The following RAB39A variants were observed in gnomAD, a reference collection of about 807,000 sequenced individuals.
RAB39A encodes RAB39A, member RAS oncogene family.
In RAB39A, 17 loss-of-function variants were observed where a neutral mutation model predicts 20.9. That is an observed-to-expected ratio of 0.81 (90% CI 0.56 to 1.22). RAB39A has a LOEUF of 1.22. Ranked by LOEUF, RAB39A falls within the 50% of genes most tolerant of loss-of-function variation. The pLI is 0.00. For missense variants in RAB39A, 234 were observed against 270.5 expected (o/e 0.87, Z 0.95); for synonymous variants, 99 against 103.4 (o/e 0.96, Z 0.26).
intron 1 of RAB39A, among the ~76,000 whole-genome samples, chr11:107,933,010 T>A (rs1447797465): frequency 6.6e-6 from 1 of 152,094 alleles, no homozygotes; most frequent in Non-Finnish European, 1.5e-5. Context: ...GAAACGAGAA[T>A]ATTGTTTAAT....
At chr11:107,933,812 A>T (rs1861165540) in intron 1 of RAB39A, among the ~76,000 whole-genome samples, 1 of 151,066 alleles carries the variant, frequency 6.6e-6, no homozygotes, top group East Asian at 2.0e-4. Flanking sequence ...AGGCGCCCCA[A>T]GCTCAACTAA....
intron 1 of RAB39A, among the ~76,000 whole-genome samples, chr11:107,934,929 CAAAAAAAAAAA>C (rs55682157): frequency 9.8e-6 from 1 of 101,640 alleles, no homozygotes; most frequent in South Asian, 3.3e-4. Context: ...GACTTCGTCT[CAAAAAAAAAAA>C]AAAAAAAAAA....
At chr11:107,931,220 A>G (rs1591239502) in intron 1 of RAB39A, among the ~76,000 whole-genome samples, 1 of 152,230 alleles carries the variant, frequency 6.6e-6, no homozygotes, top group East Asian at 1.9e-4. Context: ...CGGGTGATCC[A>G]CCTGCCTCAG....
chr11:107,960,912 C>A (rs531594369), intron 1 of RAB39A, among the ~76,000 whole-genome samples: 2 of 152,236 alleles, frequency 1.3e-5, no homozygotes, highest in South Asian at 2.1e-4. Flanking sequence ...TGGCTGAACC[C>A]CCCTGCAAGC....
At chr11:107,958,846 G>A (rs989549041) in intron 1 of RAB39A, among the ~76,000 whole-genome samples, 3 of 152,044 alleles carry the variant, frequency 2.0e-5, no homozygotes, top group African/African-American at 7.2e-5. Flanking sequence ...CTGGCCGGGC[G>A]CGGTGGCTCA....
At chr11:107,936,815 A>G (rs1261834731) in intron 1 of RAB39A, among the ~76,000 whole-genome samples, 2 of 152,060 alleles carry the variant, frequency 1.3e-5, no homozygotes, top group Non-Finnish European at 1.5e-5. Context: ...AATCCCAGCT[A>G]CTTGGGAGGC....
rs570605109 is a variant in RAB39A, at chr11:107,929,172, C to A, written c.227+377C>A. On this transcript the variant is annotated intron_variant, in intron 1 of 1. Coordinates refer to ENST00000320578, the MANE Select transcript of RAB39A (RefSeq NM_017516.3). Reference sequence around the variant, plus strand: ...GCTTCCCTGGCTGCGCACAGCATGACCCGACCACCCTCCTCCAAGCAGGCG... The same window carrying A: ...GCTTCCCTGGCTGCGCACAGCATGAACCGACCACCCTCCTCCAAGCAGGCG... Among the ~76,000 whole-genome samples the A allele has an allele frequency of 1.2e-4, 18 of 152,312 alleles. No individual in the cohort carries two copies. In the South Asian group the frequency reaches 3.3e-3, roughly 28 times the overall value.
intron 1 of RAB39A, among the ~76,000 whole-genome samples, chr11:107,946,458 ATATTTTTTTT>A (rs1236244936): frequency 0.17 from 4,340 of 26,242 alleles, 204 homozygotes; most frequent in Admixed American, 0.33. Flanking sequence ...ATATATATAT[ATATTTTTTTT>A]TTTTTTTTTT....
At chr11:107,960,166 C>T (rs998037531) in intron 1 of RAB39A, among the ~76,000 whole-genome samples, 4 of 150,370 alleles carry the variant, frequency 2.7e-5, no homozygotes, top group Admixed American at 6.7e-5. Context: ...GCCAAGATCA[C>T]GCCACTGCAC....
intron 1 of RAB39A, among the ~76,000 whole-genome samples, chr11:107,942,022 C>T (rs1426232810): frequency 6.9e-6 from 1 of 144,332 alleles, no homozygotes; most frequent in African/African-American, 2.6e-5. Context: ...TCGCTTAAAC[C>T]TGGGAGAGGG....
chr11:107,935,966 T>C (rs982960786), intron 1 of RAB39A, among the ~76,000 whole-genome samples: 1 of 142,314 alleles, frequency 7.0e-6, no homozygotes, highest in African/African-American at 2.6e-5. Flanking sequence ...AGGGCAGTGG[T>C]GTCATCCTGG....
chr11:107,933,359 CCTT>C (rs1477531063), intron 1 of RAB39A, among the ~76,000 whole-genome samples: 4 of 134,226 alleles, frequency 3.0e-5, no homozygotes, highest in African/African-American at 2.8e-5. Flanking sequence ...GTATTTCTTT[CCTT>C]CTTTTTTATT....
chr11:107,935,900 C>CTTTTT (rs561399074), intron 1 of RAB39A, among the ~76,000 whole-genome samples: 5 of 81,572 alleles, frequency 6.1e-5, no homozygotes, highest in African/African-American at 1.9e-4. Context: ...GTCCTGGCCA[C>CTTTTT]TTTTTTTTTT....
At chr11:107,940,617 C>T (rs763640311) in intron 1 of RAB39A, among the ~76,000 whole-genome samples, 9 of 152,108 alleles carry the variant, frequency 5.9e-5, no homozygotes, top group Non-Finnish European at 1.2e-4. Context: ...AAATCTGCCT[C>T]TAAATGTCAG....
chr11:107,960,954 G>A (rs1374964210), intron 1 of RAB39A, among the ~76,000 whole-genome samples: 1 of 152,128 alleles, frequency 6.6e-6, no homozygotes, highest in Non-Finnish European at 1.5e-5. Flanking sequence ...AAAGCTTTTT[G>A]TGAAGGACAG....
rs907657304 is a variant in RAB39A at position 107,962,548 on chromosome 11, T to C, written c.*176T>C. 1.6e-5 allele frequency: 9 copies of C among 554,872 alleles called. No homozygotes were observed. The highest frequency in any genetic ancestry group is 9.4e-5 in the African/African-American group (5 of 52,968). 34.4% of individuals were successfully genotyped at this position (554,872 alleles called of 1,614,324 possible). A position where few individuals can be genotyped will look rare whatever the true frequency, so the allele number is the denominator to read the frequency against. On this transcript the variant is annotated 3_prime_UTR_variant, in exon 2 of 2. Coordinates refer to ENST00000320578, the MANE Select transcript of RAB39A (RefSeq NM_017516.3). ...GATGCTTACTTGTTACACTACTAGATTGGGTATTTTGCTAAATTACCAAGC... is the reference window on the plus strand; with the variant it reads ...GATGCTTACTTGTTACACTACTAGACTGGGTATTTTGCTAAATTACCAAGC...
In RAB39A at chr11:107,962,461, G is replaced by T. The variant is rs1481543226; in HGVS notation, c.*89G>T. The stretch of plus-strand genomic sequence containing the variant: ...TTAACAGCAGAATGATGCAATGAAA[G>T]AATTTAAAAAGGTTACAAACCCACA... On this transcript the variant is annotated 3_prime_UTR_variant, in exon 2 of 2. Coordinates refer to ENST00000320578, the MANE Select transcript of RAB39A (RefSeq NM_017516.3). 4.0e-6 allele frequency: 5 copies of T among 1,264,198 alleles called. No individual in the cohort carries two copies. The African/African-American group carries it at 4.5e-5, about 11-fold the overall frequency. The allele number at this position is 1,264,198 out of a possible 1,614,324, so 78.3% of individuals were successfully genotyped here.
intron 1 of RAB39A, among the ~76,000 whole-genome samples, chr11:107,943,723 A>T (rs1410835045): frequency 6.6e-6 from 1 of 152,222 alleles, no homozygotes; most frequent in Non-Finnish European, 1.5e-5. Flanking sequence ...TACTGGGTAG[A>T]ATCCAGGCTA....
At chr11:107,954,818 T>G (rs1861416780) in intron 1 of RAB39A, among the ~76,000 whole-genome samples, 1 of 152,072 alleles carries the variant, frequency 6.6e-6, no homozygotes, top group Non-Finnish European at 1.5e-5. Flanking sequence ...GACCTCTCCT[T>G]GGTGATGAAG....
Sources: gnomAD v4.1 joint callset for allele counts (sites outside exome capture counted in the v4.1 genomes callset) on GRCh38, gnomAD v4.1.1 for gene constraint, MANE v1.5 for transcripts, NCBI Gene and HGNC (gene_info 2026-07-23, HGNC 2026-07-21) for gene names.